The following DDX52 variants were observed in gnomAD, a reference collection of about 807,000 sequenced individuals.
DDX52 encodes the protein probable ATP-dependent RNA helicase DDX52.
A neutral mutation model predicts 76.1 loss-of-function variants in DDX52; 59 were observed. That is an observed-to-expected ratio of 0.78 (90% CI 0.63 to 0.96). The LOEUF (loss-of-function observed/expected upper bound fraction) is 0.96. DDX52 is among the 40% of genes least tolerant of loss of function. The pLI is 0.00. For synonymous variants in DDX52, 231 were observed against 244.1 expected (o/e 0.95, Z 0.50); for missense variants, 707 against 703.9 (o/e 1.00, Z -0.05).
chr17:37,620,674 T>C (rs2030035297), intron 12 of DDX52, 199 bp downstream of exon 12: 1 of 473,302 alleles, frequency 2.1e-6, no homozygotes, highest in Non-Finnish European at 3.7e-6. Flanking sequence ...AATATGTATT[T>C]CCAAATTCTA....
rs1193119578 is a variant in DDX52 at position 37,629,268 on chromosome 17, CACACACACAT to C, written c.748-606_748-597del. ...ACACACACACACACACACACACACACACACACACATAGTACTATTACAAGACTATTTCATA... is the reference window on the plus strand; with the variant it reads ...ACACACACACACACACACACACACACAGTACTATTACAAGACTATTTCATA... On this transcript the variant is annotated intron_variant, in intron 5 of 14. Coordinates refer to ENST00000617633, the MANE Select transcript of DDX52 (RefSeq NM_007010.5). Among the ~76,000 whole-genome samples, 709 of 136,814 alleles carry C rather than the reference CACACACACAT, an allele frequency of 5.2e-3. 5 individuals are homozygous for C. The highest frequency in any genetic ancestry group is 0.012 in the African/African-American group (390 of 31,522). The allele number at this position is 136,814 out of a possible 152,430, so 89.8% of individuals were successfully genotyped here. A position where few individuals can be genotyped will look rare whatever the true frequency, so the allele number is the denominator to read the frequency against.
At chr17:37,626,957 G>T in intron 6 of DDX52, 97 bp from the exon 7 acceptor site, 10 of 925,560 alleles carry the variant, frequency 1.1e-5, no homozygotes, top group East Asian at 2.5e-5. Context: ...AACCTGAAGT[G>T]GGAAGTAGTC....
intron 2 of DDX52, among the ~76,000 whole-genome samples, chr17:37,634,272 G>A (rs2030825517): frequency 6.6e-6 from 1 of 151,836 alleles, no homozygotes; most frequent in South Asian, 2.1e-4. Context: ...CAATAAGGCA[G>A]CCACGTTCTC....
chr17:37,621,139 T>C lies in DDX52; in HGVS notation c.1489A>G (p.Ile497Val). The change falls in exon 11 of 15, where the codon ATC becomes GTC. Residue 497 changes from isoleucine (I) to valine (V), a missense_variant. Coordinates refer to ENST00000617633, the MANE Select transcript of DDX52 (RefSeq NM_007010.5). ...YDFPTSSVEY[I>V]HRIGRTGRAG... ...AAAGACAACTCACCTATCCTGTGGA[T>C]ATATTCCACTGAGCTAGTTGGAAAG... The C allele has an allele frequency of 6.2e-7, 1 of 1,609,660 alleles. No homozygotes were observed. The highest frequency in any genetic ancestry group is 8.5e-7 in the Non-Finnish European group (1 of 1,178,718).
chr17:37,620,788 T>C (rs2030042868), intron 12 of DDX52, 85 bp downstream of exon 12: 1 of 1,315,788 alleles, frequency 7.6e-7, no homozygotes, highest in East Asian at 2.8e-5. Flanking sequence ...ACATAGCCAT[T>C]TTGTAATTAT....
Position 37,632,647 on chromosome 17 carries a change from G to T in DDX52, c.418-349C>A, listed in dbSNP as rs569830725. 9.9e-5 allele frequency among the ~76,000 whole-genome samples: 15 copies of T among 152,238 alleles called. No homozygotes were observed. In the South Asian group the frequency reaches 3.1e-3, roughly 32 times the overall value. ...TTTTGATGATTTACCCTAAAACTCT[G>T]ATTATTAAAACTGAGTGCCAAAAAG... is the stretch of plus-strand genomic sequence containing the variant. On this transcript the variant is annotated intron_variant, in intron 3 of 14. Coordinates refer to ENST00000617633, the MANE Select transcript of DDX52 (RefSeq NM_007010.5).
Position 37,624,325 on chromosome 17 carries a change from G to T in DDX52, c.1227+19C>A. 1 of 1,586,144 alleles carries T rather than the reference G, an allele frequency of 6.3e-7. No homozygotes were observed. The highest frequency in any genetic ancestry group is 8.6e-7 in the Non-Finnish European group (1 of 1,161,592). On this transcript the variant is annotated intron_variant, in intron 9 of 14. Coordinates refer to ENST00000617633, the MANE Select transcript of DDX52 (RefSeq NM_007010.5). ...CTTGGCAAACTTTACCAAAATTCAA[G>T]AAGGTAATACAAATATACCTTTTTA...
At position 37,626,804 on chromosome 17, in the gene DDX52, C is replaced by G; in HGVS notation, c.916G>C (p.Gly306Arg). ...LIYLLKQDPP[G>R]IDLASVEWLV... is the part of the protein sequence containing the mutation. The stretch of plus-strand genomic sequence containing the variant: ...CATCTATACCTTGCTAGGTCGATTC[C>G]GGGGGGATCTTGCTTTAATAAATAG... Residue 306 changes from glycine (G) to arginine (R), a missense_variant, in exon 7 of 15, where the codon GGA (glycine) becomes CGA (arginine). Coordinates refer to ENST00000617633, the MANE Select transcript of DDX52 (RefSeq NM_007010.5). 6.2e-7 allele frequency: 1 copy of G among 1,611,230 alleles called. No homozygotes were observed. Among genetic ancestry groups the G allele is most frequent in the Admixed American group, 1.7e-5 (1 of 59,418 alleles).
chr17:37,637,732 G>A (rs990466822), intron 2 of DDX52, among the ~76,000 whole-genome samples: 10 of 151,478 alleles, frequency 6.6e-5, no homozygotes, highest in African/African-American at 2.2e-4. Context: ...GCGCCACCAC[G>A]CCCGGCTAAT....
At chr17:37,640,920 GT>G (rs2031164190) in intron 2 of DDX52, among the ~76,000 whole-genome samples, 1 of 152,064 alleles carries the variant, frequency 6.6e-6, no homozygotes, top group South Asian at 2.1e-4. Flanking sequence ...GGAGGCAGAG[GT>G]TGCAGTGAGC....
At chr17:37,623,515 C>A (rs1226507763) in intron 9 of DDX52, among the ~76,000 whole-genome samples, 1 of 152,170 alleles carries the variant, frequency 6.6e-6, no homozygotes, top group East Asian at 1.9e-4. Context: ...AATTCCATAC[C>A]ATAAACTGTT....
chr17:37,625,181 T>C (rs1182191635), intron 8 of DDX52, among the ~76,000 whole-genome samples: 2 of 151,984 alleles, frequency 1.3e-5, no homozygotes, highest in Non-Finnish European at 2.9e-5. Flanking sequence ...TTGGAAGAGA[T>C]GGGGTTTCGC....
rs754387825 is a variant in DDX52, at chr17:37,625,887, T to A, written c.1136+8A>T. On this transcript the variant is annotated splice_region_variant and intron_variant, in intron 8 of 14. Coordinates refer to ENST00000617633, the MANE Select transcript of DDX52 (RefSeq NM_007010.5). Reference sequence around the variant, plus strand: ...TCAGTGTGATAATGTTGAGAAACAATTAAATACCTTGCTCCAATGGACACA... The same window carrying A: ...TCAGTGTGATAATGTTGAGAAACAAATAAATACCTTGCTCCAATGGACACA... 6.2e-7 allele frequency: 1 copy of A among 1,613,832 alleles called. No individual in the cohort carries two copies. The highest frequency in any genetic ancestry group is 2.2e-5 in the East Asian group (1 of 44,904).
In DDX52 at chr17:37,628,560, C is replaced by T; in HGVS notation, c.859+1G>A. On this transcript the variant is annotated splice_donor_variant, in intron 6 of 14. Coordinates refer to ENST00000617633, the MANE Select transcript of DDX52 (RefSeq NM_007010.5). LOFTEE classifies it high-confidence loss of function. ...CTACATCCCATGTATGAATTCCTTA[C>T]CAAACTTTTTAGATGATTTAGGTCC... is the stretch of plus-strand genomic sequence containing the variant. The T allele has an allele frequency of 6.2e-7, 1 of 1,610,322 alleles. No individual in the cohort carries two copies. Among genetic ancestry groups the T allele is most frequent in the Non-Finnish European group, 8.5e-7 (1 of 1,178,314 alleles).
intron 4 of DDX52, among the ~76,000 whole-genome samples, chr17:37,630,641 T>G (rs894742405): frequency 6.6e-4 from 65 of 98,428 alleles, no homozygotes; most frequent in Admixed American, 3.2e-3. Flanking sequence ...CTCACTGTGT[T>G]TTTTTTTTTT....
At chr17:37,633,174 CCTT>C (rs1263560293) in intron 3 of DDX52, 111 bp downstream of exon 3, 9 of 1,163,062 alleles carry the variant, frequency 7.7e-6, no homozygotes, top group Non-Finnish European at 9.1e-6. Flanking sequence ...ATGTAATTAA[CCTT>C]CTATCTTAAC....
At chr17:37,633,184 T>C in intron 3 of DDX52, 104 bp downstream of exon 3, 1 of 1,259,344 alleles carries the variant, frequency 7.9e-7, no homozygotes. Flanking sequence ...CCTTCTATCT[T>C]AACAAAACTA....
At chr17:37,624,455 G>A (rs747037738) in intron 8 of DDX52, 21 bp from the exon 9 acceptor site, 19 of 1,555,314 alleles carry the variant, frequency 1.2e-5, no homozygotes, top group Middle Eastern at 1.7e-4. Context: ...AATATACCTT[G>A]TAGTTTGTAA....
At chr17:37,641,279 G>A (rs1418300490) in intron 2 of DDX52, among the ~76,000 whole-genome samples, 1 of 151,952 alleles carries the variant, frequency 6.6e-6, no homozygotes. Context: ...GCAGGCACCT[G>A]TAGTCCCAGG....
Sources: gnomAD v4.1 joint callset for allele counts (sites outside exome capture counted in the v4.1 genomes callset) on GRCh38, gnomAD v4.1.1 for gene constraint, MANE v1.5 for transcripts, NCBI Gene and HGNC (gene_info 2026-07-23, HGNC 2026-07-21) for gene names.